Variants in ZNF184 observed in about 807,000 individuals in gnomAD.
The protein encoded by ZNF184 is zinc finger protein 184 (Kruppel-like).
Under a neutral mutation model 54.4 loss-of-function variants are expected in ZNF184, and 16 were observed. That is an observed-to-expected ratio of 0.29 (90% CI 0.20 to 0.45). ZNF184 has a LOEUF of 0.45. Among genes scored for constraint, ZNF184 ranks in the 20% least tolerant of loss-of-function variants. The pLI is 1.00. For synonymous variants in ZNF184, 254 were observed against 295.3 expected, an observed-to-expected ratio of 0.86 and a Z score of 1.43; for missense variants, 681 against 888.2, an observed-to-expected ratio of 0.77 and a Z score of 2.97.
the ZNF184 span, among the ~76,000 whole-genome samples, chr6:27,434,210 A>G: frequency 6.6e-6 from 1 of 152,126 alleles, no homozygotes; most frequent in Admixed American, 6.6e-5. Flanking sequence ...GAGTTGCTGG[A>G]TCATGTGGTA....
intron 3 of ZNF184, among the ~76,000 whole-genome samples, chr6:27,459,012 C>T (rs1762933942): frequency 6.6e-6 from 1 of 152,006 alleles, no homozygotes; most frequent in Non-Finnish European, 1.5e-5. Context: ...TTCTCATTCA[C>T]ATGTAGGAGC....
chr6:27,445,351 A>G, the ZNF184 span, among the ~76,000 whole-genome samples: 17 of 152,204 alleles, frequency 1.1e-4, no homozygotes, highest in East Asian at 5.8e-4. Flanking sequence ...ACACAAATGT[A>G]TAGGGTATGA....
intron 5 of ZNF184, among the ~76,000 whole-genome samples, chr6:27,455,803 C>T (rs1358374865): frequency 6.6e-6 from 1 of 152,124 alleles, no homozygotes; most frequent in African/African-American, 2.4e-5. Flanking sequence ...AGAAGAACCT[C>T]ACCTACATCC....
At chr6:27,443,274 C>T in the ZNF184 span, among the ~76,000 whole-genome samples, 2 of 152,116 alleles carry the variant, frequency 1.3e-5, no homozygotes, top group Non-Finnish European at 2.9e-5. Context: ...CTTTTTGCTC[C>T]TCATTGCCAC....
At chr6:27,419,527 CAGATAGATAGAT>C in the ZNF184 span, among the ~76,000 whole-genome samples, 1,716 of 149,126 alleles carry the variant, frequency 0.012, 15 homozygotes, top group East Asian at 0.043. This position sits in a 1 kb window ranked among gnomAD's most constrained non-coding sequence, Gnocchi z 4.8. Context: ...TTTCAATATT[CAGATAGATAGAT>C]AGATAGATAG....
chr6:27,443,593 C>T, the ZNF184 span, among the ~76,000 whole-genome samples: 14 of 152,256 alleles, frequency 9.2e-5, no homozygotes, highest in Middle Eastern at 3.4e-3. Context: ...CAACCTAGAC[C>T]TTGTGGCATT....
chr6:27,404,180 CTG>C, the ZNF184 span: 2 of 152,128 alleles, frequency 1.3e-5, no homozygotes, highest in Non-Finnish European at 2.9e-5. Flanking sequence ...GGGATACAAA[CTG>C]AGCATTCTGG....
At chr6:27,468,914 C>A (rs1369920523) in intron 2 of ZNF184, among the ~76,000 whole-genome samples, 2 of 152,148 alleles carry the variant, frequency 1.3e-5, no homozygotes, top group Non-Finnish European at 2.9e-5. Flanking sequence ...CATTCCATAT[C>A]TTGGTTATAC....
the ZNF184 span, among the ~76,000 whole-genome samples, chr6:27,441,407 G>T: frequency 6.6e-6 from 1 of 152,048 alleles, no homozygotes; most frequent in Admixed American, 6.6e-5. Flanking sequence ...TAGAAACAGG[G>T]TTTCATTATG....
intron 3 of ZNF184, among the ~76,000 whole-genome samples, chr6:27,457,977 T>C (rs796785657): frequency 8.6e-5 from 13 of 151,912 alleles, no homozygotes; most frequent in African/African-American, 2.9e-4. Flanking sequence ...AAATTAAAAG[T>C]AAGTTAAAAG....
chr6:27,461,027 C>T (rs982105857), intron 3 of ZNF184, among the ~76,000 whole-genome samples: 1 of 152,150 alleles, frequency 6.6e-6, no homozygotes, highest in Non-Finnish European at 1.5e-5. Flanking sequence ...GTGCCCAGTG[C>T]ACTGGGACAA....
At chr6:27,442,870 GA>G in the ZNF184 span, among the ~76,000 whole-genome samples, 1 of 30,694 alleles carries the variant, frequency 3.3e-5, no homozygotes, top group Non-Finnish European at 7.0e-5. Context: ...AAGAAAGAAA[GA>G]AAGAAAGAAA....
At chr6:27,462,891 T>C (rs992448923) in intron 3 of ZNF184, among the ~76,000 whole-genome samples, 15 of 148,760 alleles carry the variant, frequency 1.0e-4, no homozygotes, top group Non-Finnish European at 1.9e-4. Context: ...TATCAGGCAA[T>C]GCAGAGAAGC....
intron 4 of ZNF184, 80 bp downstream of exon 4, chr6:27,457,203 A>T (rs1762878081): frequency 6.5e-7 from 1 of 1,528,492 alleles, no homozygotes; most frequent in Non-Finnish European, 8.8e-7. Flanking sequence ...TACTAAACTT[A>T]AAGGCAAACT....
At chr6:27,417,209 T>TA in the ZNF184 span, among the ~76,000 whole-genome samples, 9 of 152,220 alleles carry the variant, frequency 5.9e-5, no homozygotes, top group African/African-American at 2.2e-4. Context: ...AAAGTGACTC[T>TA]AAGAGGAAAT....
chr6:27,415,607 T>C, the ZNF184 span, among the ~76,000 whole-genome samples: 8 of 152,180 alleles, frequency 5.3e-5, no homozygotes, highest in Admixed American at 4.6e-4. Flanking sequence ...GTCTACCATA[T>C]ACTTTATGTT....
chr6:27,457,267 G>A lies in ZNF184; in HGVS notation c.202+16C>T, dbSNP rs1354472375. 1 of 1,612,858 alleles carries A rather than the reference G, an allele frequency of 6.2e-7. No individual in the cohort carries two copies. The highest frequency in any genetic ancestry group is 8.5e-7 in the Non-Finnish European group (1 of 1,179,422). Reference sequence around the variant, plus strand: ...CTGCACACCCCTTGATATTAACTCAGAGAAATTATCCTTACCTATAGAGAC... The same window carrying A: ...CTGCACACCCCTTGATATTAACTCAAAGAAATTATCCTTACCTATAGAGAC... On this transcript the variant is annotated intron_variant, in intron 4 of 5. Coordinates refer to ENST00000683788, the MANE Select transcript of ZNF184 (RefSeq NM_001318891.2).
intron 5 of ZNF184, among the ~76,000 whole-genome samples, chr6:27,454,605 AAGTGGCAGATCTCCAAC>A (rs1488443695): frequency 1.1e-5 from 1 of 94,788 alleles, no homozygotes; most frequent in Middle Eastern, 7.7e-3. Flanking sequence ...CAGTGCATGG[AAGTGGCAGATCTCCAAC>A]CCTGGTTGGA....
chr6:27,457,079 G>A (rs749972788), intron 4 of ZNF184, among the ~76,000 whole-genome samples, 158 bp from the exon 5 acceptor site: 5 of 152,086 alleles, frequency 3.3e-5, no homozygotes, highest in Non-Finnish European at 7.4e-5. Context: ...TCCCAGACAT[G>A]GTGGGAGTAT....
Sources: allele counts gnomAD v4.1 joint callset (sites outside exome capture counted in the v4.1 genomes callset), GRCh38; gene constraint gnomAD v4.1.1; non-coding constraint Gnocchi (gnomAD v3.1); transcripts MANE v1.5; gene names NCBI Gene and HGNC (gene_info 2026-07-23, HGNC 2026-07-21).